Variants in NR2E3 observed in about 807,000 individuals in gnomAD.
The protein encoded by NR2E3 is nuclear receptor subfamily 2 group E member 3.
In NR2E3, 38 loss-of-function variants were observed where a neutral mutation model predicts 37.6. The ratio of observed to expected loss-of-function variants is 1.01; its 90% CI spans 0.78 to 1.33. NR2E3 has a LOEUF of 1.33. Among genes scored for constraint, NR2E3 ranks in the 40% most tolerant of loss-of-function variants. The pLI is 0.00. For synonymous variants in NR2E3, 235 were observed against 225.1 expected, an observed-to-expected ratio of 1.04 and a Z score of -0.39; for missense variants, 562 against 558.7, an observed-to-expected ratio of 1.01 and a Z score of -0.06.
chr15:71,810,921 A>G, intron 1 of NR2E3, 60 bp downstream of exon 1: 1 of 1,451,612 alleles, frequency 6.9e-7, no homozygotes, highest in Non-Finnish European at 9.2e-7. Flanking sequence ...GGTAAGGGCC[A>G]GAGGTTCGCA....
At chr15:71,816,461 C>G (rs187541337) in intron 7 of NR2E3, among the ~76,000 whole-genome samples, 1 of 151,964 alleles carries the variant, frequency 6.6e-6, no homozygotes, top group Admixed American at 6.6e-5. Context: ...GGGGTTTCAC[C>G]GCATTAGCCA....
In NR2E3 at chr15:71,811,306, G is replaced by A. The variant is rs915692147; in HGVS notation, c.119-177G>A. On this transcript the variant is annotated intron_variant, in intron 1 of 7. Transcript: ENST00000617575. The surrounding 1 kb of genome is among the most constrained non-coding windows in gnomAD (Gnocchi z 5.6). ...GCAAGGAATGGGGGTGGGGGCTGGG[G>A]TGTGGATGCACAGTGAGGGAGACAC... Among the ~76,000 whole-genome samples the A allele has an allele frequency of 3.3e-5, 5 of 152,050 alleles. No individual in the cohort carries two copies. Among genetic ancestry groups the A allele is most frequent in the Non-Finnish European group, 7.4e-5 (5 of 67,982 alleles).
At position 71,813,323 on chromosome 15, in the gene NR2E3, A is replaced by G; in HGVS notation, c.748-66A>G. ...TTCCTTGGGTGCCTGAGATGGTGGC[A>G]GAGGCTCCAGACTGAGCCAGAGAAG... is the stretch of plus-strand genomic sequence containing the variant. On this transcript the variant is annotated intron_variant, in intron 5 of 7. Coordinates refer to ENST00000617575, the MANE Select transcript of NR2E3 (RefSeq NM_014249.4). This position sits in a 1 kb window ranked among gnomAD's most constrained non-coding sequence, Gnocchi z 4.7. The G allele has an allele frequency of 6.4e-7, 1 of 1,564,478 alleles. No homozygotes were observed. Among genetic ancestry groups the G allele is most frequent in the Non-Finnish European group, 8.7e-7 (1 of 1,155,002 alleles).
rs1336272050 is a variant in NR2E3 at position 71,817,936 on chromosome 15, G to C, written c.*252G>C. The stretch of plus-strand genomic sequence containing the variant: ...AAATAATTTAAAAAGAATGAATTAC[G>C]GATACATGTGGCAACACAGGTAAAC... On this transcript the variant is annotated 3_prime_UTR_variant, in exon 8 of 8. Transcript: ENST00000617575. 1 of 286,136 alleles carries C rather than the reference G, an allele frequency of 3.5e-6. No individual in the cohort carries two copies. Among genetic ancestry groups the C allele is most frequent in the African/African-American group, 2.1e-5 (1 of 47,142 alleles). The allele number at this position is 286,136 out of a possible 1,614,324, so 17.7% of individuals were successfully genotyped here.
rs370823298 is a variant in NR2E3 at position 71,813,411 on chromosome 15, G to C, written c.770G>C (p.Trp257Ser). The change falls in exon 6 of 8, where the codon TGG (tryptophan) becomes TCG (serine). Residue 257 changes from tryptophan to serine, a missense_variant. By Grantham distance (177) the Trp-to-Ser change is radical. Coordinates refer to ENST00000617575, the MANE Select transcript of NR2E3 (RefSeq NM_014249.4). The surrounding 1 kb of genome is among the most constrained non-coding windows in gnomAD (Gnocchi z 4.7). ...CAGGTGATCCTGCTGGAAGAGGCGTGGAGTGAACTCTTTCTCCTCGGGGCC... is the reference window on the plus strand; with the variant it reads ...CAGGTGATCCTGCTGGAAGAGGCGTCGAGTGAACTCTTTCTCCTCGGGGCC... Reference protein sequence around the residue: ...RDQVILLEEAWSELFLLGAIQ... With the variant: ...RDQVILLEEASSELFLLGAIQ... 1 of 1,611,604 alleles carries C rather than the reference G, an allele frequency of 6.2e-7. No individual in the cohort carries two copies. The highest frequency in any genetic ancestry group is 1.1e-5 in the South Asian group (1 of 90,376).
At position 71,813,683 on chromosome 15, in the gene NR2E3, C is replaced by T. The variant is rs1339002180; in HGVS notation, c.994+48C>T. On this transcript the variant is annotated intron_variant, in intron 6 of 7. Coordinates refer to ENST00000617575, the MANE Select transcript of NR2E3 (RefSeq NM_014249.4). The surrounding 1 kb of genome is among the most constrained non-coding windows in gnomAD (Gnocchi z 4.7). ...CTTGAGTGGGAATTCTGGTGACTTC[C>T]ATCTGCCTCTCACTCTCCCTCCACT... 1 of 1,608,330 alleles carries T rather than the reference C, an allele frequency of 6.2e-7. No individual in the cohort carries two copies. The highest frequency in any genetic ancestry group is 8.5e-7 in the Non-Finnish European group (1 of 1,179,672).
In NR2E3 at chr15:71,811,058, G is replaced by A. The variant is rs940913674; in HGVS notation, c.118+197G>A. The stretch of plus-strand genomic sequence containing the variant: ...GGGCGGGGATGGGGGTTGGGGGCGG[G>A]CAGGCTGCAGAGCCAGGACAGGACA... On this transcript the variant is annotated intron_variant, in intron 1 of 7. Transcript: ENST00000617575. This position sits in a 1 kb window ranked among gnomAD's most constrained non-coding sequence, Gnocchi z 5.6. Among the ~76,000 whole-genome samples, 2 of 152,136 alleles carry A rather than the reference G, an allele frequency of 1.3e-5. No individual in the cohort carries two copies. The highest frequency in any genetic ancestry group is 6.5e-5 in the Admixed American group (1 of 15,274).
At position 71,810,688 on chromosome 15, in the gene NR2E3, G is replaced by C; in HGVS notation, c.-56G>C. The C allele has an allele frequency of 6.5e-7, 1 of 1,548,792 alleles. No homozygotes were observed. Among genetic ancestry groups the C allele is most frequent in the South Asian group, 1.2e-5 (1 of 83,480 alleles). Reference sequence around the variant, plus strand: ...GGTTCATGGACTGAGGCAAAGGCTGGGCCAGGCTCAGCAACCCAGGCCTCC... The same window carrying C: ...GGTTCATGGACTGAGGCAAAGGCTGCGCCAGGCTCAGCAACCCAGGCCTCC... On this transcript the variant is annotated 5_prime_UTR_variant, in exon 1 of 8. Coordinates refer to ENST00000617575, the MANE Select transcript of NR2E3 (RefSeq NM_014249.4).
chr15:71,813,445 GTC>G lies in NR2E3; in HGVS notation c.808_809del (p.Leu270AlafsTer70), dbSNP rs2054202316. ...ELFLLGAIQW[S>X]LPLDSCPLLA... ...TCTTTCTCCTCGGGGCCATCCAGTGGTCTCTGCCTCTGGACAGCTGTCCTCTG... is the reference window on the plus strand; with the variant it reads ...TCTTTCTCCTCGGGGCCATCCAGTGGTCTGCCTCTGGACAGCTGTCCTCTG... On this transcript the variant is annotated frameshift_variant, in exon 6 of 8. Transcript: ENST00000617575. LOFTEE classifies it high-confidence loss of function. The surrounding 1 kb of genome is among the most constrained non-coding windows in gnomAD (Gnocchi z 4.7). The G allele has an allele frequency of 1.2e-6, 2 of 1,610,528 alleles. No homozygotes were observed. Among genetic ancestry groups the G allele is most frequent in the Non-Finnish European group, 1.7e-6 (2 of 1,178,446 alleles).
rs530684859 is a variant in NR2E3 at position 71,812,436 on chromosome 15, G to A, written c.672G>A (p.Ser224=). The A allele has an allele frequency of 8.1e-6, 13 of 1,613,810 alleles. No individual in the cohort carries two copies. In the East Asian group the frequency reaches 1.3e-4, roughly 17 times the overall value. The change falls in exon 5 of 8, where the codon TCG becomes TCA. Residue 224 remains serine (S), a synonymous_variant. Transcript: ENST00000617575. ...PCGLDSIHET[S]ARLLFMAVKW... ...GCCTGGACAGCATCCATGAGACCTC[G>A]GCTCGCCTACTCTTCATGGCCGTCA...
rs184778076 is a variant in NR2E3 at position 71,814,701 on chromosome 15, C to T, written c.1100+584C>T. ...GCAGAGGGCAGCTACTGCAGGTTTC[C>T]GAGCAGAGGGTCATACACAGGGCTG... On this transcript the variant is annotated intron_variant, in intron 7 of 7. Coordinates refer to ENST00000617575, the MANE Select transcript of NR2E3 (RefSeq NM_014249.4). The T allele has an allele frequency of 7.8e-4, 767 of 986,744 alleles. 1 individual carries two copies. Among genetic ancestry groups the T allele is most frequent in the Admixed American group, 9.7e-4 (16 of 16,464 alleles). 61.1% of individuals were successfully genotyped at this position (986,744 alleles called of 1,614,324 possible). A position where few individuals can be genotyped will look rare whatever the true frequency, so the allele number is the denominator to read the frequency against.
chr15:71,813,715 A>T lies in NR2E3; in HGVS notation c.994+80A>T. 1.3e-6 allele frequency: 2 copies of T among 1,571,554 alleles called. No homozygotes were observed. Among genetic ancestry groups the T allele is most frequent in the Middle Eastern group, 3.3e-4 (2 of 6,000 alleles). On this transcript the variant is annotated intron_variant, in intron 6 of 7. Coordinates refer to ENST00000617575, the MANE Select transcript of NR2E3 (RefSeq NM_014249.4). This position sits in a 1 kb window ranked among gnomAD's most constrained non-coding sequence, Gnocchi z 4.7. ...CTCTCACTCTCCCTCCACTACCCCC[A>T]TGTGTGCAGATGTGTGTAGGCCTCT...
At chr15:71,814,622 A>G in intron 7 of NR2E3, 1 of 950,646 alleles carries the variant, frequency 1.1e-6, no homozygotes, top group Non-Finnish European at 1.3e-6. Context: ...GTACCCTAGG[A>G]CCAGCCCGTT....
rs1345482758 is a variant in NR2E3 at position 71,814,109 on chromosome 15, G to A, written c.1092G>A (p.Gln364=). The change falls in exon 7 of 8, where the codon CAG becomes CAA. Residue 364 remains glutamine, a synonymous_variant. Transcript: ENST00000617575. The part of the protein sequence containing the change: ...SQHSKAHHPS[Q]PVRFGKLLLL... The stretch of plus-strand genomic sequence containing the variant: ...ACAGCAAGGCCCACCACCCCAGCCA[G>A]CCCGTGAGGTGACCTGAGCATGCGC... The A allele has an allele frequency of 6.2e-7, 1 of 1,610,628 alleles. No homozygotes were observed. The highest frequency in any genetic ancestry group is 1.7e-5 in the Admixed American group (1 of 59,946).
In NR2E3 at chr15:71,813,204, A is replaced by G. The variant is rs2415120; in HGVS notation, c.748-185A>G. Among the ~76,000 whole-genome samples, 55,435 of 152,040 alleles carry G rather than the reference A, an allele frequency of 0.36. 11,424 individuals carry two copies. Among genetic ancestry groups the G allele is most frequent in the East Asian group, 0.63 (3,250 of 5,156 alleles). On this transcript the variant is annotated intron_variant, in intron 5 of 7. Transcript: ENST00000617575. This position sits in a 1 kb window ranked among gnomAD's most constrained non-coding sequence, Gnocchi z 4.7. ...TGGATGGAACCCAGTGTCTCAGATG[A>G]TAGGCAGCTGAGCCGGATGGTGCCA... is the stretch of plus-strand genomic sequence containing the variant.
intron 7 of NR2E3, 158 bp downstream of exon 7, chr15:71,814,275 C>T (rs1371573765): frequency 2.8e-6 from 4 of 1,418,066 alleles, no homozygotes; most frequent in Middle Eastern, 1.9e-4. Flanking sequence ...CAGTGCCAGG[C>T]CCCGGGAGTG....
chr15:71,815,395 G>A (rs2054218942), intron 7 of NR2E3, among the ~76,000 whole-genome samples: 1 of 152,188 alleles, frequency 6.6e-6, no homozygotes, highest in Admixed American at 6.5e-5. Context: ...AGGAAGATTT[G>A]TGCTGCTTAT....
intron 4 of NR2E3, 56 bp downstream of exon 4, chr15:71,812,232 G>C (rs2140289821): frequency 6.2e-7 from 1 of 1,606,392 alleles, no homozygotes; most frequent in East Asian, 2.2e-5. Context: ...GGTCACAGCA[G>C]GGCTGCAGCG....
intron 7 of NR2E3, among the ~76,000 whole-genome samples, chr15:71,817,267 T>G (rs1396251090): frequency 6.6e-6 from 1 of 151,902 alleles, no homozygotes; most frequent in African/African-American, 2.4e-5. Flanking sequence ...CCCGGCTAAT[T>G]TTTTGTATAT....
Sources: allele counts gnomAD v4.1 joint callset (sites outside exome capture counted in the v4.1 genomes callset), GRCh38; gene constraint gnomAD v4.1.1; non-coding constraint Gnocchi (gnomAD v3.1); transcripts MANE v1.5; gene names NCBI Gene and HGNC (gene_info 2026-07-23, HGNC 2026-07-21).